The following JHY variants were observed in gnomAD, a reference collection of about 807,000 sequenced individuals.
The protein encoded by JHY is jhy protein homolog.
A neutral mutation model predicts 78.0 loss-of-function variants in JHY; 69 were observed. The ratio of observed to expected loss-of-function variants is 0.88; its 90% CI spans 0.73 to 1.08. JHY has a LOEUF of 1.08. Ranked by LOEUF, JHY falls within the 50% of genes least tolerant of loss-of-function variation. The pLI is 0.00. For synonymous variants in JHY, 368 were observed against 342.6 expected (o/e 1.07, Z -0.82); for missense variants, 944 against 927.8 (o/e 1.02, Z -0.23).
In JHY at chr11:122,960,571, A is replaced by C. The variant is rs1185614576; in HGVS notation, c.*1126A>C. 1 of 248,696 alleles carries C rather than the reference A, an allele frequency of 4.0e-6. No individual in the cohort carries two copies. Among genetic ancestry groups the C allele is most frequent in the Non-Finnish European group, 8.4e-6 (1 of 119,684 alleles). The allele number at this position is 248,696 out of a possible 1,614,324, so 15.4% of individuals were successfully genotyped here. ...AGTGTAACAGGACCCTATGTGCTCC[A>C]AACTGGGCTTATCTTGTATGCTTTA... On this transcript the variant is annotated 3_prime_UTR_variant, in exon 9 of 9. Transcript: ENST00000227349.
chr11:122,905,692 A>C (rs1862975164), intron 3 of JHY: 1 of 608,496 alleles, frequency 1.6e-6, no homozygotes, highest in Non-Finnish European at 2.1e-6. Flanking sequence ...ACATGGTGAA[A>C]CCCATCTATA....
intron 6 of JHY, among the ~76,000 whole-genome samples, chr11:122,952,771 C>T (rs1289497022): frequency 2.0e-5 from 3 of 152,210 alleles, no homozygotes; most frequent in African/African-American, 7.2e-5. Context: ...ATTTCTTTCT[C>T]ATCATCTTTG....
chr11:122,944,513 T>C (rs1047393990), intron 5 of JHY, among the ~76,000 whole-genome samples: 1 of 152,220 alleles, frequency 6.6e-6, no homozygotes, highest in African/African-American at 2.4e-5. Flanking sequence ...TTTCCTGTCA[T>C]ACATATTACT....
intron 2 of JHY, among the ~76,000 whole-genome samples, chr11:122,893,190 C>T (rs552348404): frequency 1.3e-5 from 2 of 152,300 alleles, no homozygotes; most frequent in Middle Eastern, 3.4e-3. Flanking sequence ...TTTCTGATCA[C>T]ATGAGAATAG....
In JHY at chr11:122,935,004, A is replaced by G; in HGVS notation, c.1563A>G (p.Gly521=). The G allele has an allele frequency of 6.2e-7, 1 of 1,610,848 alleles. No homozygotes were observed. The highest frequency in any genetic ancestry group is 8.5e-7 in the Non-Finnish European group (1 of 1,179,278). ...TTGTTTATCACATAAATACTCATGG[A>G]TCAACCAAAAATAAGAAACAACTCA... ...SQFVYHINTH[G]STKNKKQLKQ... The change falls in exon 5 of 9, where the codon GGA becomes GGG. Residue 521 remains glycine (G), a synonymous_variant. Coordinates refer to ENST00000227349, the MANE Select transcript of JHY (RefSeq NM_024806.4). This position sits in a 1 kb window ranked among gnomAD's most constrained non-coding sequence, Gnocchi z 4.5.
chr11:122,948,778 A>G (rs542368416), intron 6 of JHY, among the ~76,000 whole-genome samples: 139 of 152,182 alleles, frequency 9.1e-4, no homozygotes, highest in Non-Finnish European at 1.6e-3. Flanking sequence ...GGTGATGAAG[A>G]GTTGGCAAAG....
intron 5 of JHY, among the ~76,000 whole-genome samples, chr11:122,937,669 G>C (rs112729309): frequency 6.6e-6 from 1 of 152,032 alleles, no homozygotes; most frequent in Non-Finnish European, 1.5e-5. Flanking sequence ...ACTGCGTTCC[G>C]CTGTTGTTGT....
chr11:122,955,835 C>T (rs897852236), intron 6 of JHY, among the ~76,000 whole-genome samples: 1 of 152,146 alleles, frequency 6.6e-6, no homozygotes, highest in Non-Finnish European at 1.5e-5. Flanking sequence ...TTGTCTCTAA[C>T]GGGTAATGCT....
rs1348294847 is a variant in JHY, at chr11:122,946,506, ATTC to A, written c.1651_1653del (p.Ser551del). The stretch of plus-strand genomic sequence containing the variant: ...TTTTTTTTTTCATTAAGGAAATTCC[ATTC>A]TTCTTCTGACAGCCAGACGGTTAGA... On this transcript the variant is annotated inframe_deletion, in exon 6 of 9. Coordinates refer to ENST00000227349, the MANE Select transcript of JHY (RefSeq NM_024806.4). The A allele has an allele frequency of 3.8e-6, 6 of 1,564,078 alleles. No homozygotes were observed.
chr11:122,934,313 C>CAAATAAAT lies in JHY; in HGVS notation c.979-72_979-65dup, dbSNP rs36092881. The CAAATAAAT allele has an allele frequency of 5.4e-4, 279 of 512,632 alleles. 1 individual carries two copies. The highest frequency in any genetic ancestry group is 3.2e-3 in the Admixed American group (51 of 16,162). 31.8% of individuals were successfully genotyped at this position (512,632 alleles called of 1,614,324 possible). ...CCTGGGAGACAGTGAGACTCCGTCTCAAATAAATAAATAAATAAATAAATA... is the reference window on the plus strand; with the variant it reads ...CCTGGGAGACAGTGAGACTCCGTCTCAAATAAATAAATAAATAAATAAATAAATAAATA... On this transcript the variant is annotated intron_variant, in intron 4 of 8. Coordinates refer to ENST00000227349, the MANE Select transcript of JHY (RefSeq NM_024806.4).
chr11:122,893,631 A>G (rs1862673135), intron 2 of JHY, among the ~76,000 whole-genome samples: 1 of 152,238 alleles, frequency 6.6e-6, no homozygotes, highest in Admixed American at 6.5e-5. Flanking sequence ...GACTAAAGGG[A>G]TGCTTTAATT....
Position 122,961,066 on chromosome 11 carries a change from C to A in JHY, c.*1621C>A. On this transcript the variant is annotated 3_prime_UTR_variant, in exon 9 of 9. Coordinates refer to ENST00000227349, the MANE Select transcript of JHY (RefSeq NM_024806.4). Reference sequence around the variant, plus strand: ...GACCTAAAGCTGTTGGCAAAGAAGACTCATGCACAGCCAGTTATGTAAATG... The same window carrying A: ...GACCTAAAGCTGTTGGCAAAGAAGAATCATGCACAGCCAGTTATGTAAATG... The A allele has an allele frequency of 2.9e-6, 3 of 1,048,144 alleles. No homozygotes were observed. Among genetic ancestry groups the A allele is most frequent in the Non-Finnish European group, 4.4e-6 (3 of 680,212 alleles). 64.9% of individuals were successfully genotyped at this position (1,048,144 alleles called of 1,614,324 possible).
rs551353522 is a variant in JHY, at chr11:122,917,421, T to C, written c.865-7476T>C. Among the ~76,000 whole-genome samples the C allele has an allele frequency of 6.6e-6, 1 of 152,332 alleles. No homozygotes were observed. Among genetic ancestry groups the C allele is most frequent in the Admixed American group, 6.5e-5 (1 of 15,310 alleles). On this transcript the variant is annotated intron_variant, in intron 3 of 8. Transcript: ENST00000227349. This position sits in a 1 kb window ranked among gnomAD's most constrained non-coding sequence, Gnocchi z 4.1. ...CGTCTTTCATGCAGTCCCTTGTATG[T>C]CATTTTAAAGCAGAAGCTCTCATAT... is the stretch of plus-strand genomic sequence containing the variant.
chr11:122,896,089 T>C (rs1862735364), intron 2 of JHY, among the ~76,000 whole-genome samples: 1 of 152,204 alleles, frequency 6.6e-6, no homozygotes, highest in South Asian at 2.1e-4. Flanking sequence ...CCCTTATATA[T>C]ACACATTCTT....
Position 122,898,692 on chromosome 11 carries a change from T to C in JHY, c.345-5233T>C, listed in dbSNP as rs535857985. Among the ~76,000 whole-genome samples the C allele has an allele frequency of 6.6e-6, 1 of 152,380 alleles. No individual in the cohort carries two copies. Among genetic ancestry groups the C allele is most frequent in the East Asian group, 1.9e-4 (1 of 5,178 alleles). On this transcript the variant is annotated intron_variant, in intron 2 of 8. Coordinates refer to ENST00000227349, the MANE Select transcript of JHY (RefSeq NM_024806.4). This position sits in a 1 kb window ranked among gnomAD's most constrained non-coding sequence, Gnocchi z 4.4. ...TCCAAAAAGGACTTCATAGCCTCTG[T>C]AGATAATCCCTTCCAGAAAGTCCTC...
chr11:122,909,243 G>A (rs544648508), intron 3 of JHY, among the ~76,000 whole-genome samples: 2 of 152,302 alleles, frequency 1.3e-5, no homozygotes, highest in South Asian at 4.1e-4. Flanking sequence ...AAAAAATACG[G>A]TCAAGCTGGT....
intron 6 of JHY, 31 bp downstream of exon 6, chr11:122,946,823 T>A (rs747063438): frequency 1.3e-6 from 2 of 1,574,988 alleles, no homozygotes; most frequent in South Asian, 2.4e-5. Context: ...ACCAAGTAAC[T>A]CTTCCATTTT....
In JHY at chr11:122,960,775, A is replaced by T; in HGVS notation, c.*1330A>T. 1 of 499,884 alleles carries T rather than the reference A, an allele frequency of 2.0e-6. No homozygotes were observed. Among genetic ancestry groups the T allele is most frequent in the Non-Finnish European group, 4.0e-6 (1 of 252,248 alleles). 31.0% of individuals were successfully genotyped at this position (499,884 alleles called of 1,614,324 possible). A position where few individuals can be genotyped will look rare whatever the true frequency, so the allele number is the denominator to read the frequency against. On this transcript the variant is annotated 3_prime_UTR_variant, in exon 9 of 9. Coordinates refer to ENST00000227349, the MANE Select transcript of JHY (RefSeq NM_024806.4). Reference sequence around the variant, plus strand: ...CAGGCTTCCATCAAACAAATCCAGGATGCAATTGATTTGGAGAAGTCGCAG... The same window carrying T: ...CAGGCTTCCATCAAACAAATCCAGGTTGCAATTGATTTGGAGAAGTCGCAG...
intron 2 of JHY, 61 bp downstream of exon 2, chr11:122,886,254 T>C: frequency 6.8e-7 from 1 of 1,473,226 alleles, no homozygotes; most frequent in South Asian, 1.4e-5. Context: ...AGATAATTAC[T>C]GTCGTCATTC....
Sources: gnomAD v4.1 joint callset for allele counts (sites outside exome capture counted in the v4.1 genomes callset) on GRCh38, gnomAD v4.1.1 for gene constraint, Gnocchi (gnomAD v3.1) non-coding constraint, MANE v1.5 for transcripts, NCBI Gene and HGNC (gene_info 2026-07-23, HGNC 2026-07-21) for gene names.